The following PTPRD variants were observed in gnomAD, a reference collection of about 807,000 sequenced individuals.
The protein encoded by PTPRD is protein tyrosine phosphatase receptor type D.
Under a neutral mutation model 214.5 loss-of-function variants are expected in PTPRD, and 34 were observed. The ratio of observed to expected loss-of-function variants is 0.16; its 90% CI spans 0.12 to 0.21. PTPRD has a LOEUF of 0.21. Ranked by LOEUF, PTPRD falls within the 10% of genes least tolerant of loss-of-function variation. PTPRD has a pLI of 1.00. For missense variants in PTPRD, 2,545 were observed against 2,398.7 expected (o/e 1.06, Z -1.27); for synonymous variants, 1,128 against 845.7 (o/e 1.33, Z -5.79).
intron 11 of PTPRD, among the ~76,000 whole-genome samples, chr9:8,831,468 C>T (rs758723047): frequency 3.3e-5 from 5 of 152,060 alleles, no homozygotes; most frequent in Non-Finnish European, 5.9e-5. Context: ...ATAACATGCT[C>T]AGAGACCAGA....
At chr9:8,330,920 G>GAATTGCTTTTGTTAGAA (rs1448720503) in intron 44 of PTPRD, among the ~76,000 whole-genome samples, 1 of 151,592 alleles carries the variant, frequency 6.6e-6, no homozygotes, top group African/African-American at 2.4e-5. Context: ...AAAATTAGAT[G>GAATTGCTTTTGTTAGAA]AATTGCTTTT....
chr9:8,366,896 G>C (rs1348518001), intron 39 of PTPRD, among the ~76,000 whole-genome samples: 1 of 152,222 alleles, frequency 6.6e-6, no homozygotes, highest in Non-Finnish European at 1.5e-5. Flanking sequence ...AGAGGACAAA[G>C]ATTTAATGCA....
At chr9:10,512,086 C>T (rs13288527) in intron 2 of PTPRD, among the ~76,000 whole-genome samples, 43,344 of 142,790 alleles carry the variant, frequency 0.3, 6,728 homozygotes, top group South Asian at 0.45. Context: ...ATGATTAGGA[C>T]TAAGAAACAC....
chr9:10,583,449 T>A (rs1022749497), intron 2 of PTPRD, among the ~76,000 whole-genome samples: 4 of 145,672 alleles, frequency 2.7e-5, no homozygotes, highest in Non-Finnish European at 6.0e-5. Flanking sequence ...GGTTATAAAC[T>A]AGAAGTTCTT....
chr9:10,514,044 C>G lies in PTPRD; in HGVS notation c.-600+98354G>C, dbSNP rs78227591. On this transcript the variant is annotated intron_variant, in intron 2 of 45. Coordinates refer to ENST00000381196, the MANE Select transcript of PTPRD (RefSeq NM_002839.4). ...AGCTTTGTAGATCAGTATTACACTACATTAATGTCAATTCATATCAGCTAA... is the reference window on the plus strand; with the variant it reads ...AGCTTTGTAGATCAGTATTACACTAGATTAATGTCAATTCATATCAGCTAA... 6.6e-5 allele frequency among the ~76,000 whole-genome samples: 10 copies of G among 152,260 alleles called. No homozygotes were observed. The East Asian group carries it at 1.7e-3, about 26-fold the overall frequency.
At chr9:10,243,163 T>G (rs1232264776) in intron 3 of PTPRD, among the ~76,000 whole-genome samples, 1 of 151,974 alleles carries the variant, frequency 6.6e-6, no homozygotes, top group African/African-American at 2.4e-5. Context: ...AGGGAGTTAT[T>G]CAGAGACTTC....
chr9:10,578,103 T>A (rs2070184914), intron 2 of PTPRD, among the ~76,000 whole-genome samples: 1 of 151,832 alleles, frequency 6.6e-6, no homozygotes, highest in South Asian at 2.1e-4. Flanking sequence ...AGAGACGGGG[T>A]TTCACCTTGT....
At chr9:8,934,477 AAATATATATATATATAAATATATATAT>A (rs2098979866) in intron 11 of PTPRD, among the ~76,000 whole-genome samples, 2 of 7,694 alleles carry the variant, frequency 2.6e-4, no homozygotes, top group Non-Finnish European at 5.0e-4. Context: ...ATATATATAT[AAATATATATATATATAAATATATATAT>A]AAATATATAT....
intron 6 of PTPRD, among the ~76,000 whole-genome samples, chr9:9,746,374 C>T (rs1337612714): frequency 6.6e-6 from 1 of 152,102 alleles, no homozygotes; most frequent in African/African-American, 2.4e-5. Context: ...AGACTCAACT[C>T]TTTTGGAGAA....
intron 10 of PTPRD, among the ~76,000 whole-genome samples, chr9:9,031,443 G>A (rs1349752958): frequency 2.6e-5 from 4 of 151,962 alleles, no homozygotes; most frequent in South Asian, 4.1e-4. Flanking sequence ...AGGTCACAAC[G>A]TGTACAGCAC....
chr9:9,701,827 C>G (rs1430661964), intron 7 of PTPRD, among the ~76,000 whole-genome samples: 6 of 151,944 alleles, frequency 3.9e-5, no homozygotes, highest in Non-Finnish European at 8.8e-5. Flanking sequence ...TATTTGAAAA[C>G]TAAAGTATTG....
chr9:9,584,557 T>C (rs2091561473), intron 7 of PTPRD, among the ~76,000 whole-genome samples: 4 of 151,924 alleles, frequency 2.6e-5, no homozygotes, highest in African/African-American at 9.7e-5. Context: ...TGTTCACATA[T>C]TAAGTGTATG....
chr9:9,518,637 A>T (rs1318656578), intron 8 of PTPRD, among the ~76,000 whole-genome samples: 1 of 152,074 alleles, frequency 6.6e-6, no homozygotes, highest in African/African-American at 2.4e-5. Flanking sequence ...CCGAAAGGGC[A>T]TTAAATATTT....
At chr9:8,463,308 C>CAAAAA (rs71308864) in intron 32 of PTPRD, among the ~76,000 whole-genome samples, 5 of 28,850 alleles carry the variant, frequency 1.7e-4, no homozygotes, top group Non-Finnish European at 2.4e-4. Flanking sequence ...CAGAGGCAGC[C>CAAAAA]AAAAAAAAAA....
intron 9 of PTPRD, among the ~76,000 whole-genome samples, chr9:9,248,550 C>T (rs1403478958): frequency 6.6e-6 from 1 of 151,976 alleles, no homozygotes; most frequent in Non-Finnish European, 1.5e-5. Context: ...CATCTGATGT[C>T]TTAGAGTTTT....
chr9:8,324,092 A>T (rs1831130554), intron 44 of PTPRD, among the ~76,000 whole-genome samples: 1 of 148,570 alleles, frequency 6.7e-6, no homozygotes, highest in South Asian at 2.2e-4. Context: ...GGCTCAGATG[A>T]TGATTAGCAT....
At chr9:10,023,507 G>A (rs1177510124) in intron 4 of PTPRD, among the ~76,000 whole-genome samples, 1 of 151,948 alleles carries the variant, frequency 6.6e-6, no homozygotes, top group Non-Finnish European at 1.5e-5. Context: ...TAACTTCTGT[G>A]TTTGTACCAT....
chr9:8,713,460 G>C (rs1176802289), intron 12 of PTPRD: 8 of 1,120,138 alleles, frequency 7.1e-6, no homozygotes, highest in Non-Finnish European at 9.4e-6. Flanking sequence ...TCGTATCTCA[G>C]TTAAAGAAAA....
intron 10 of PTPRD, among the ~76,000 whole-genome samples, chr9:9,075,120 G>T (rs2099749134): frequency 6.6e-6 from 1 of 151,826 alleles, no homozygotes. Flanking sequence ...TAATTATTTT[G>T]CTTTTGATAA....
Sources: allele counts gnomAD v4.1 joint callset (sites outside exome capture counted in the v4.1 genomes callset), GRCh38; gene constraint gnomAD v4.1.1; transcripts MANE v1.5; gene names NCBI Gene and HGNC (gene_info 2026-07-23, HGNC 2026-07-21).